Variants in FRK observed in about 807,000 individuals in gnomAD.
FRK encodes fyn related Src family tyrosine kinase.
FRK carries 51 observed loss-of-function variants against 56.4 expected under a neutral mutation model. That is an observed-to-expected ratio of 0.90 (90% confidence interval 0.72 to 1.14). FRK has a LOEUF of 1.14. Ranked by LOEUF, FRK falls within the 50% of genes most tolerant of loss-of-function variation. FRK has a pLI of 0.00. For missense variants in FRK, 570 were observed against 601.4 expected (o/e 0.95, Z 0.55); for synonymous variants, 245 against 217.9 (o/e 1.12, Z -1.10).
chr6:116,065,319 A>G (rs1777740877), upstream of FRK, among the ~76,000 whole-genome samples: 1 of 152,166 alleles, frequency 6.6e-6, no homozygotes, highest in African/African-American at 2.4e-5. Context: ...CTGTCTCCCC[A>G]ACTCACACAG....
chr6:115,966,899 T>C (rs780480465), intron 4 of FRK, among the ~76,000 whole-genome samples: 4 of 152,198 alleles, frequency 2.6e-5, no homozygotes, highest in Non-Finnish European at 5.9e-5. Context: ...GTTGGCCTTA[T>C]TATTATCTCT....
intron 2 of FRK, among the ~76,000 whole-genome samples, chr6:115,989,697 A>T (rs76552204): frequency 0.048 from 7,274 of 151,944 alleles, 247 homozygotes; most frequent in Admixed American, 0.067. Flanking sequence ...ATTGACACTT[A>T]TGTTGATACC....
In FRK at chr6:115,943,106, C is replaced by T. The variant is rs947651624; in HGVS notation, c.1220G>A (p.Ser407Asn). Residue 407 changes from serine (S) to asparagine (N), a missense_variant, in exon 7 of 8, where the codon AGT (serine) becomes AAT (asparagine). Physicochemically the swap from Ser to Asn is conservative, Grantham distance 46. Transcript: ENST00000606080. ...VKWTAPEAIR[S>N]NKFSIKSDVW... ...ATCGGACTTAATGCTGAATTTATTA[C>T]TACGAATGGCTTCGGGCGCAGTCCA... is the stretch of plus-strand genomic sequence containing the variant. The T allele has an allele frequency of 6.2e-7, 1 of 1,613,412 alleles. No homozygotes were observed. Among genetic ancestry groups the T allele is most frequent in the Non-Finnish European group, 8.5e-7 (1 of 1,179,664 alleles).
Position 115,939,511 on chromosome 6 carries a change from G to A in FRK, c.*2903C>T, listed in dbSNP as rs1032404352. 3.9e-5 allele frequency: 6 copies of A among 152,104 alleles called. No homozygotes were observed. In the East Asian group the frequency reaches 9.6e-4, roughly 24 times the overall value. The allele number at this position is 152,104 out of a possible 1,614,324, so 9.4% of individuals were successfully genotyped here. On this transcript the variant is annotated 3_prime_UTR_variant, in exon 8 of 8. Transcript: ENST00000606080. The stretch of plus-strand genomic sequence containing the variant: ...ATCAGGCAAGAGAAAGAAATAAAGG[G>A]TATTCAAATAGGAAAACAGGAAGTA...
chr6:116,038,266 AGATT>A (rs1416499100), intron 1 of FRK, among the ~76,000 whole-genome samples: 3 of 152,332 alleles, frequency 2.0e-5, no homozygotes, highest in East Asian at 1.9e-4. Flanking sequence ...ATTAGTATAT[AGATT>A]AAGATATAAA....
the FRK span, among the ~76,000 whole-genome samples, chr6:116,085,609 T>C: frequency 6.6e-6 from 1 of 152,240 alleles, no homozygotes; most frequent in Non-Finnish European, 1.5e-5. Flanking sequence ...CTTAATACAA[T>C]GTCTGGCATA....
chr6:116,090,481 G>C, the FRK span, among the ~76,000 whole-genome samples: 8 of 152,190 alleles, frequency 5.3e-5, no homozygotes, highest in South Asian at 1.7e-3. Context: ...ACAGAGGTTG[G>C]CTGAGTGTGG....
chr6:115,956,404 G>A, intron 5 of FRK, 48 bp downstream of exon 5: 2 of 1,402,954 alleles, frequency 1.4e-6, no homozygotes, highest in Non-Finnish European at 1.9e-6. Context: ...TATGGGACTA[G>A]CTAAATTAAA....
At chr6:115,960,302 G>A (rs199894430) in intron 4 of FRK, among the ~76,000 whole-genome samples, 6,048 of 150,668 alleles carry the variant, frequency 0.04, 328 homozygotes, top group Admixed American at 0.15. Flanking sequence ...CTGGAAAATC[G>A]GGTCACTCCC....
chr6:116,055,630 C>T (rs1466997548), intron 1 of FRK, among the ~76,000 whole-genome samples: 2 of 152,162 alleles, frequency 1.3e-5, no homozygotes, highest in East Asian at 1.9e-4. Flanking sequence ...TTGTTTCACA[C>T]ATAAGTGTGG....
chr6:115,993,466 AG>A (rs1329936766), intron 2 of FRK, among the ~76,000 whole-genome samples: 1 of 151,828 alleles, frequency 6.6e-6, no homozygotes, highest in Non-Finnish European at 1.5e-5. Flanking sequence ...TATCTTGAAA[AG>A]ATGCCCTAGG....
chr6:116,059,933 A>C (rs370970022), intron 1 of FRK, 35 bp downstream of exon 1: 1 of 1,533,826 alleles, frequency 6.5e-7, no homozygotes, highest in Non-Finnish European at 9.0e-7. Flanking sequence ...GCCCTCAGAG[A>C]GTTCAGAAAT....
intron 1 of FRK, among the ~76,000 whole-genome samples, chr6:116,029,278 T>G (rs1057003186): frequency 6.6e-6 from 1 of 152,158 alleles, no homozygotes; most frequent in Non-Finnish European, 1.5e-5. Flanking sequence ...CTTCTTTGTT[T>G]TGTTTATTTT....
intron 2 of FRK, among the ~76,000 whole-genome samples, chr6:115,979,064 A>C (rs981407545): frequency 8.5e-5 from 13 of 152,146 alleles, no homozygotes; most frequent in Admixed American, 8.5e-4. Context: ...AAAAAAAAAA[A>C]AAAATACATG....
Position 115,942,265 on chromosome 6 carries a change from A to G in FRK, c.*149T>C, listed in dbSNP as rs757970757. 7.6e-6 allele frequency: 5 copies of G among 655,498 alleles called. No individual in the cohort carries two copies. The highest frequency in any genetic ancestry group is 1.3e-5 in the Non-Finnish European group (5 of 382,810). The allele number at this position is 655,498 out of a possible 1,614,324, so 40.6% of individuals were successfully genotyped here. On this transcript the variant is annotated 3_prime_UTR_variant, in exon 8 of 8. Transcript: ENST00000606080. The stretch of plus-strand genomic sequence containing the variant: ...GCCCAGTCAATAAAATGCACAAATA[A>G]TCTTTTTCATAATACATGGCCAACT...
At chr6:116,075,084 TTC>T in the FRK span, among the ~76,000 whole-genome samples, 2 of 152,088 alleles carry the variant, frequency 1.3e-5, no homozygotes, top group African/African-American at 4.8e-5. Flanking sequence ...GCCCCTCTGA[TTC>T]TCTTTTTCCC....
intron 1 of FRK, among the ~76,000 whole-genome samples, chr6:116,046,129 A>G (rs1776948317): frequency 6.6e-6 from 1 of 152,210 alleles, no homozygotes; most frequent in South Asian, 2.1e-4. Context: ...TGATCATTAA[A>G]AAGTCAGGAA....
At chr6:116,074,033 C>T in the FRK span, among the ~76,000 whole-genome samples, 2 of 151,706 alleles carry the variant, frequency 1.3e-5, no homozygotes, top group Admixed American at 6.6e-5. Context: ...ATCAGCAAAG[C>T]TACTGCAGAC....
At chr6:116,008,591 T>C (rs904789313) in intron 1 of FRK, among the ~76,000 whole-genome samples, 4 of 152,226 alleles carry the variant, frequency 2.6e-5, no homozygotes, top group Non-Finnish European at 5.9e-5. Context: ...AACAATAGCT[T>C]GTTCTACCCT....
Sources: allele counts gnomAD v4.1 joint callset (sites outside exome capture counted in the v4.1 genomes callset), GRCh38; gene constraint gnomAD v4.1.1; transcripts MANE v1.5; gene names NCBI Gene and HGNC (gene_info 2026-07-23, HGNC 2026-07-21).